Variants in GRM1 observed in about 807,000 individuals in gnomAD.
GRM1 encodes the protein metabotropic glutamate receptor 1.
Under a neutral mutation model 90.9 loss-of-function variants are expected in GRM1, and 33 were observed. The ratio of observed to expected loss-of-function variants is 0.36; its 90% CI spans 0.28 to 0.49. The LOEUF (loss-of-function observed/expected upper bound fraction) is 0.49, where lower values mean the gene tolerates loss of function less well. Among genes scored for constraint, GRM1 ranks in the 20% least tolerant of loss-of-function variants. The pLI, the probability that GRM1 is intolerant of heterozygous loss-of-function variation, is 0.99. For missense variants in GRM1, 1,190 were observed against 1,534.3 expected (o/e 0.78, Z 3.75); for synonymous variants, 700 against 613.2 (o/e 1.14, Z -2.09).
At chr6:146,392,944 A>G (rs1444974476) in intron 6 of GRM1, among the ~76,000 whole-genome samples, 1 of 152,158 alleles carries the variant, frequency 6.6e-6, no homozygotes, top group Non-Finnish European at 1.5e-5. Context: ...CATTGTGGGC[A>G]TTTGGGTTGG....
intron 1 of GRM1, among the ~76,000 whole-genome samples, chr6:146,152,005 TG>T (rs1777355619): frequency 6.6e-6 from 1 of 152,194 alleles, no homozygotes; most frequent in African/African-American, 2.4e-5. Flanking sequence ...AAATTGTGTA[TG>T]TTATGGACTT....
At chr6:146,053,195 C>T (rs1775355129) in intron 1 of GRM1, among the ~76,000 whole-genome samples, 1 of 152,030 alleles carries the variant, frequency 6.6e-6, no homozygotes, top group Non-Finnish European at 1.5e-5. Flanking sequence ...ATAGGTTTAG[C>T]AAATTTTATT....
chr6:146,258,488 A>G (rs747258775), intron 2 of GRM1, among the ~76,000 whole-genome samples: 4 of 151,864 alleles, frequency 2.6e-5, no homozygotes, highest in Non-Finnish European at 5.9e-5. Flanking sequence ...TCTCCTTGAT[A>G]TCTTGCCCTC....
At chr6:146,370,043 C>T (rs1474726021) in intron 5 of GRM1, among the ~76,000 whole-genome samples, 2 of 152,018 alleles carry the variant, frequency 1.3e-5, no homozygotes, top group African/African-American at 4.8e-5. Context: ...GTCATATCCT[C>T]TTGTTGAATT....
At chr6:146,345,808 T>C (rs2115026948) in intron 3 of GRM1, among the ~76,000 whole-genome samples, 2 of 152,346 alleles carry the variant, frequency 1.3e-5, no homozygotes, top group Middle Eastern at 6.8e-3. Flanking sequence ...GAATTGGTTC[T>C]GATGGATTCT....
intron 1 of GRM1, among the ~76,000 whole-genome samples, chr6:146,087,882 A>G (rs915248058): frequency 1.3e-5 from 2 of 152,130 alleles, no homozygotes; most frequent in African/African-American, 4.8e-5. Flanking sequence ...TGGATATTAC[A>G]TGTAAAGTTG....
chr6:146,179,553 G>C (rs181729346), intron 2 of GRM1, among the ~76,000 whole-genome samples: 3 of 152,140 alleles, frequency 2.0e-5, no homozygotes, highest in Non-Finnish European at 4.4e-5. Context: ...TCGCTTTGTC[G>C]CCCAGGCGGG....
At chr6:146,369,599 A>C (rs1256714627) in intron 5 of GRM1, among the ~76,000 whole-genome samples, 1 of 151,816 alleles carries the variant, frequency 6.6e-6, no homozygotes, top group Non-Finnish European at 1.5e-5. Context: ...GTAGCGTGTC[A>C]TTTATTTTCC....
At chr6:146,140,113 C>CTTTCTTTCTTTCTTTCTTTCTT (rs1562488159) in intron 1 of GRM1, among the ~76,000 whole-genome samples, 17 of 116,000 alleles carry the variant, frequency 1.5e-4, no homozygotes, top group Admixed American at 4.0e-4. Context: ...TTCTTTCTTT[C>CTTTCTTTCTTTCTTTCTTTCTT]TTTCTTTCTT....
At chr6:146,381,828 T>C (rs1304341203) in intron 5 of GRM1, among the ~76,000 whole-genome samples, 2 of 152,180 alleles carry the variant, frequency 1.3e-5, no homozygotes, top group Non-Finnish European at 2.9e-5. Context: ...TTTTCCACCA[T>C]TATGTTCTCT....
At chr6:146,034,745 A>C (rs969831490) in intron 1 of GRM1, among the ~76,000 whole-genome samples, 19 of 152,104 alleles carry the variant, frequency 1.2e-4, no homozygotes, top group African/African-American at 4.6e-4. Context: ...TCAGCCTATT[A>C]TGAATTTCTT....
chr6:146,325,052 G>A (rs1455177243), intron 3 of GRM1, among the ~76,000 whole-genome samples: 1 of 152,146 alleles, frequency 6.6e-6, no homozygotes, highest in African/African-American at 2.4e-5. Flanking sequence ...AATATTCCGA[G>A]CTCCAAGACA....
chr6:146,429,064 T>G (rs2114683110), intron 7 of GRM1, among the ~76,000 whole-genome samples: 1 of 152,256 alleles, frequency 6.6e-6, no homozygotes, highest in African/African-American at 2.4e-5. Flanking sequence ...AACTTGAGGA[T>G]GTAGGATGTA....
intron 2 of GRM1, among the ~76,000 whole-genome samples, chr6:146,263,563 A>G (rs892843774): frequency 2.6e-5 from 4 of 152,040 alleles, no homozygotes; most frequent in African/African-American, 4.8e-5. Flanking sequence ...ATAGCAATTT[A>G]AAAGCAATTC....
At chr6:146,119,872 C>T (rs1028068975) in intron 1 of GRM1, among the ~76,000 whole-genome samples, 11 of 152,078 alleles carry the variant, frequency 7.2e-5, no homozygotes, top group African/African-American at 1.9e-4. Context: ...AGTCAGGTAG[C>T]GTGATGCCTC....
chr6:146,108,029 A>C (rs1331774743), intron 1 of GRM1, among the ~76,000 whole-genome samples: 1 of 152,198 alleles, frequency 6.6e-6, no homozygotes, highest in Non-Finnish European at 1.5e-5. Context: ...AGTGCTTTCA[A>C]ATATAAATGT....
chr6:146,060,859 T>A lies in GRM1; in HGVS notation c.700+30642T>A, dbSNP rs557134133. Among the ~76,000 whole-genome samples, 101 of 152,290 alleles carry A rather than the reference T, an allele frequency of 6.6e-4. 4 individuals are homozygous for A. In the South Asian group the frequency reaches 0.02, roughly 31 times the overall value. ...CCACAGTGTCTAAACTAATTTACAT[T>A]CCCAGCAGTAGTGTATAAGTGCTCC... On this transcript the variant is annotated intron_variant, in intron 1 of 7. Coordinates refer to ENST00000282753, the MANE Select transcript of GRM1 (RefSeq NM_001278064.2).
chr6:146,399,317 A>T lies in GRM1; in HGVS notation c.2278A>T (p.Asn760Tyr). ...GGGTGTGGTGGCCCCTTTGGGCTACAATGGACTCCTCATCATGAGCTGTAC... is the reference window on the plus strand; with the variant it reads ...GGGTGTGGTGGCCCCTTTGGGCTACTATGGACTCCTCATCATGAGCTGTAC... ...NLGVVAPLGY[N>Y]GLLIMSCTYY... The change falls in exon 7 of 8, where the codon AAT becomes TAT. Residue 760 changes from asparagine to tyrosine, a missense_variant. Physicochemically the swap from Asn to Tyr is moderately radical, Grantham distance 143. Transcript: ENST00000282753. This position sits in a 1 kb window ranked among gnomAD's most constrained non-coding sequence, Gnocchi z 5.4. 1 of 1,614,180 alleles carries T rather than the reference A, an allele frequency of 6.2e-7. No individual in the cohort carries two copies.
chr6:146,149,473 T>G (rs765557664), intron 1 of GRM1, among the ~76,000 whole-genome samples: 3 of 152,214 alleles, frequency 2.0e-5, no homozygotes, highest in Non-Finnish European at 4.4e-5. Context: ...CCTGCACTTT[T>G]CTTTGTTCTG....
Sources: allele counts gnomAD v4.1 joint callset (sites outside exome capture counted in the v4.1 genomes callset), GRCh38; gene constraint gnomAD v4.1.1; non-coding constraint Gnocchi (gnomAD v3.1); transcripts MANE v1.5; gene names NCBI Gene and HGNC (gene_info 2026-07-23, HGNC 2026-07-21).